CDH3: variants seen among roughly 807,000 people sequenced by gnomAD.
CDH3 encodes the protein cadherin 3, also known as cadherin-3.
Under a neutral mutation model 82.0 loss-of-function variants are expected in CDH3, and 54 were observed. The ratio of observed to expected loss-of-function variants is 0.66; its 90% CI spans 0.53 to 0.83. CDH3 has a LOEUF of 0.83. Among genes scored for constraint, CDH3 ranks in the 40% least tolerant of loss-of-function variants. The probability of loss-of-function intolerance (pLI) is 0.00; values close to 1 mark genes in which losing one functional copy is unlikely to be tolerated. For synonymous variants in CDH3, 446 were observed against 437.9 expected, an observed-to-expected ratio of 1.02 and a Z score of -0.23; for missense variants, 1,054 against 1,084.6, an observed-to-expected ratio of 0.97 and a Z score of 0.40.
chr16:68,682,204 G>A (rs1338437071), intron 8 of CDH3, 98 bp from the exon 9 acceptor site: 51 of 1,362,066 alleles, frequency 3.7e-5, no homozygotes, highest in Non-Finnish European at 4.5e-5. Context: ...AAAGGGTAAA[G>A]GCATGGGGAT....
chr16:68,674,649 C>T (rs1016097049), intron 2 of CDH3, among the ~76,000 whole-genome samples: 2 of 152,074 alleles, frequency 1.3e-5, no homozygotes, highest in South Asian at 2.1e-4. Flanking sequence ...GCAGGAGAAC[C>T]CCTTGAGCCT....
intron 7 of CDH3, 87 bp from the exon 8 acceptor site, chr16:68,680,880 AC>A (rs1961202723): frequency 6.9e-7 from 1 of 1,447,462 alleles, no homozygotes; most frequent in Admixed American, 1.7e-5. Flanking sequence ...CTCCATCCAC[AC>A]ACCCATGAGC....
At chr16:68,727,753 A>G (rs577868524), downstream of CDH3, among the ~76,000 whole-genome samples, 15 of 152,140 alleles carry the variant, frequency 9.9e-5, no homozygotes, top group African/African-American at 3.4e-4. Flanking sequence ...TACTAAAAAT[A>G]AAAAAATTAG....
chr16:68,725,049 T>A (rs568134357), intron 2 of CDH3, among the ~76,000 whole-genome samples: 1 of 152,182 alleles, frequency 6.6e-6, no homozygotes, highest in Admixed American at 6.5e-5. Flanking sequence ...AAGCAACAGG[T>A]CCCTGGGCCT....
chr16:68,645,881 G>A, intron 2 of CDH3, 131 bp downstream of exon 2: 1 of 686,414 alleles, frequency 1.5e-6, no homozygotes, highest in South Asian at 1.9e-5. Flanking sequence ...GGCGCAGAAC[G>A]CGCCTCGGGG....
At chr16:68,665,549 T>C (rs1394637590) in intron 2 of CDH3, among the ~76,000 whole-genome samples, 1 of 152,180 alleles carries the variant, frequency 6.6e-6, no homozygotes, top group Admixed American at 6.5e-5. Flanking sequence ...GTACTTACTG[T>C]TAAACAGTTT....
intron 1 of CDH3, among the ~76,000 whole-genome samples, chr16:68,717,924 T>C (rs1962113561): frequency 6.6e-6 from 1 of 152,192 alleles, no homozygotes. Flanking sequence ...TGCCCAGTCT[T>C]GGACTTCCCA....
chr16:68,676,479 C>T lies in CDH3; in HGVS notation c.246+9C>T, dbSNP rs760369421. On this transcript the variant is annotated intron_variant, in intron 3 of 15. Transcript: ENST00000264012. Reference sequence around the variant, plus strand: ...ATGGCGAGACAGTCCAGGTAAAATACCATGTCCACCTGCAGGACAAAAGAA... The same window carrying T: ...ATGGCGAGACAGTCCAGGTAAAATATCATGTCCACCTGCAGGACAAAAGAA... 6.3e-6 allele frequency: 10 copies of T among 1,591,608 alleles called. No individual in the cohort carries two copies. The highest frequency in any genetic ancestry group is 4.5e-5 in the East Asian group (2 of 44,782).
rs1377497937 is a variant in CDH3, at chr16:68,681,026, C to T, written c.926C>T (p.Thr309Ile). ...ACAGACATGGATGGGGACGGCTCCA[C>T]CACCACGGCAGTGGCAGTAGTGGAG... Reference protein sequence around the residue: ...QATDMDGDGSTTTAVAVVEIL... With the variant: ...QATDMDGDGSITTAVAVVEIL... Residue 309 changes from threonine to isoleucine, a missense_variant, in exon 8 of 16, where the codon ACC becomes ATC. Physicochemically the swap from Thr to Ile is moderately conservative, Grantham distance 89 (BLOSUM62 -1). Coordinates refer to ENST00000264012, the MANE Select transcript of CDH3 (RefSeq NM_001793.6). 2 of 1,614,098 alleles carry T rather than the reference C, an allele frequency of 1.2e-6. No individual in the cohort carries two copies. Among genetic ancestry groups the T allele is most frequent in the Non-Finnish European group, 1.7e-6 (2 of 1,179,990 alleles).
At chr16:68,692,296 CA>C (rs1345633117) in intron 13 of CDH3, among the ~76,000 whole-genome samples, 1 of 152,134 alleles carries the variant, frequency 6.6e-6, no homozygotes, top group Non-Finnish European at 1.5e-5. Context: ...CTTGGCCTCC[CA>C]AAATGCTGGG....
Position 68,645,391 on chromosome 16 carries a change from T to C in CDH3, c.12T>C (p.Pro4=). The C allele has an allele frequency of 6.2e-7, 1 of 1,613,466 alleles. No individual in the cohort carries two copies. The highest frequency in any genetic ancestry group is 8.5e-7 in the Non-Finnish European group (1 of 1,179,774). The stretch of plus-strand genomic sequence containing the variant: ...CTCTCTCTGCAGCCATGGGGCTCCC[T>C]CGTGGACCTCTCGCGTCTCTCCTCC... MGL[P]RGPLASLLLL... Residue 4 remains proline, a synonymous_variant, in exon 1 of 16, where the codon CCT becomes CCC. Transcript: ENST00000264012.
At chr16:68,662,009 A>G (rs1199185518) in intron 2 of CDH3, among the ~76,000 whole-genome samples, 4 of 152,200 alleles carry the variant, frequency 2.6e-5, no homozygotes. Context: ...CTAAACATAT[A>G]ATCACAAGTT....
chr16:68,707,961 G>T lies in CDH3; in HGVS notation c.99+12038G>T, dbSNP rs574704886. On this transcript the variant is annotated intron_variant, in intron 1 of 2. Transcript: ENST00000569080. This position sits in a 1 kb window ranked among gnomAD's most constrained non-coding sequence, Gnocchi z 4.5. Reference sequence around the variant, plus strand: ...GGCCAGCCCACAGCTGACAGGGCAGGGCGCTGAGACCTCTGTGTGTCCTCC... The same window carrying T: ...GGCCAGCCCACAGCTGACAGGGCAGTGCGCTGAGACCTCTGTGTGTCCTCC... Among the ~76,000 whole-genome samples, 1 of 152,128 alleles carries T rather than the reference G, an allele frequency of 6.6e-6. No homozygotes were observed. Among genetic ancestry groups the T allele is most frequent in the African/African-American group, 2.4e-5 (1 of 41,420 alleles).
At chr16:68,648,754 G>C (rs1489242330) in intron 2 of CDH3, among the ~76,000 whole-genome samples, 1 of 152,008 alleles carries the variant, frequency 6.6e-6, no homozygotes, top group Non-Finnish European at 1.5e-5. Flanking sequence ...CAGCTCCCTG[G>C]CATTTTTTAC....
intron 9 of CDH3, 98 bp from the exon 10 acceptor site, chr16:68,684,485 C>A: frequency 7.1e-7 from 1 of 1,409,434 alleles, no homozygotes; most frequent in Non-Finnish European, 1.0e-6. Context: ...GGCCTCAAGC[C>A]CCTCAGTATT....
chr16:68,721,703 A>G lies in CDH3; in HGVS notation c.100-722A>G, dbSNP rs189187585. Among the ~76,000 whole-genome samples, 11 of 152,294 alleles carry G rather than the reference A, an allele frequency of 7.2e-5. No individual in the cohort carries two copies. In the East Asian group the frequency reaches 1.5e-3, roughly 21 times the overall value. On this transcript the variant is annotated intron_variant, in intron 1 of 2. Coordinates refer to the CDH3 transcript ENST00000569080. ...TGCCCAGGTGGTGACTTCTGCCAGA[A>G]ACACTGGTTAACTCAGCTTAAATGT...
At chr16:68,717,718 A>G (rs1962111383) in intron 1 of CDH3, among the ~76,000 whole-genome samples, 1 of 151,374 alleles carries the variant, frequency 6.6e-6, no homozygotes, top group South Asian at 2.1e-4. Context: ...CGTTGCAGTG[A>G]GTTGAGATGG....
downstream of CDH3, among the ~76,000 whole-genome samples, chr16:68,727,733 AC>A (rs1962233780): frequency 1.3e-5 from 2 of 152,168 alleles, no homozygotes; most frequent in East Asian, 3.9e-4. Context: ...ACATGGTGAA[AC>A]CCCATCTGTA....
chr16:68,721,626 C>T (rs1962165976), intron 1 of CDH3, among the ~76,000 whole-genome samples: 1 of 152,176 alleles, frequency 6.6e-6, no homozygotes, highest in African/African-American at 2.4e-5. Flanking sequence ...TGGGTCTAAC[C>T]TCCTGCCTCT....
Sources: allele counts gnomAD v4.1 joint callset (sites outside exome capture counted in the v4.1 genomes callset), GRCh38; gene constraint gnomAD v4.1.1; non-coding constraint Gnocchi (gnomAD v3.1); transcripts MANE v1.5; gene names NCBI Gene and HGNC (gene_info 2026-07-23, HGNC 2026-07-21).